Variants in ZNF385D observed in about 807,000 individuals in gnomAD.
ZNF385D encodes zinc finger protein 659.
A neutral mutation model predicts 35.8 loss-of-function variants in ZNF385D; 15 were observed. The observed-to-expected ratio is 0.42, with a 90% confidence interval of 0.28 to 0.64. The LOEUF is 0.64. Among genes scored for constraint, ZNF385D ranks in the 30% least tolerant of loss-of-function variants. The pLI, the probability that ZNF385D is intolerant of heterozygous loss-of-function variation, is 0.23. For missense variants in ZNF385D, 474 were observed against 494.6 expected, an observed-to-expected ratio of 0.96 and a Z score of 0.39; for synonymous variants, 212 against 186.8, an observed-to-expected ratio of 1.13 and a Z score of -1.10.
At chr3:21,447,463 A>G (rs1702216233) in intron 4 of ZNF385D, among the ~76,000 whole-genome samples, 1 of 152,238 alleles carries the variant, frequency 6.6e-6, no homozygotes, top group African/African-American at 2.4e-5. Flanking sequence ...TTCATTAATG[A>G]GAAGAACTGT....
chr3:21,731,538 T>C (rs1048416327), intron 1 of ZNF385D, among the ~76,000 whole-genome samples: 10 of 152,320 alleles, frequency 6.6e-5, no homozygotes, highest in Admixed American at 5.9e-4. Context: ...ACGTTAACAT[T>C]AAGGTTCACT....
At chr3:21,888,546 G>C (rs1698674082) in intron 3 of ZNF385D, among the ~76,000 whole-genome samples, 2 of 152,108 alleles carry the variant, frequency 1.3e-5, no homozygotes, top group Non-Finnish European at 2.9e-5. Flanking sequence ...GAGTTTATTA[G>C]TAACTTCTGG....
chr3:21,860,148 CA>C (rs926619151), intron 3 of ZNF385D, among the ~76,000 whole-genome samples: 6 of 151,786 alleles, frequency 4.0e-5, no homozygotes, highest in African/African-American at 1.5e-4. Flanking sequence ...TTCTTTTATG[CA>C]AAAAAAGTAT....
At chr3:22,086,281 C>T (rs1701037281) in intron 3 of ZNF385D, among the ~76,000 whole-genome samples, 1 of 152,198 alleles carries the variant, frequency 6.6e-6, no homozygotes, top group South Asian at 2.1e-4. Context: ...TTGCAGATGA[C>T]ATGATTGTAT....
chr3:21,854,004 G>A, intron 3 of ZNF385D, among the ~76,000 whole-genome samples: 1 of 151,784 alleles, frequency 6.6e-6, no homozygotes, highest in Non-Finnish European at 1.5e-5. Context: ...ATACCTTTAG[G>A]TGGTGATTAA....
chr3:21,947,511 T>C (rs1329565890), intron 3 of ZNF385D, among the ~76,000 whole-genome samples: 4 of 152,064 alleles, frequency 2.6e-5, no homozygotes, highest in Non-Finnish European at 4.4e-5. Context: ...CCACCATGCC[T>C]GGCTAATTTT....
intron 2 of ZNF385D, among the ~76,000 whole-genome samples, chr3:22,328,789 T>G (rs1002494252): frequency 7.2e-6 from 1 of 138,778 alleles, no homozygotes; most frequent in Non-Finnish European, 1.6e-5. Context: ...AAAAAAGAGT[T>G]TATTGGCCGG....
intron 3 of ZNF385D, among the ~76,000 whole-genome samples, chr3:22,007,316 G>C (rs889109115): frequency 5.3e-5 from 8 of 152,130 alleles, no homozygotes; most frequent in African/African-American, 1.9e-4. Context: ...TGTTCATAAA[G>C]ATCTCATACA....
At chr3:21,788,009 C>A (rs1364425750) in intron 3 of ZNF385D, among the ~76,000 whole-genome samples, 3 of 128,840 alleles carry the variant, frequency 2.3e-5, no homozygotes, top group African/African-American at 8.8e-5. Flanking sequence ...TAGTTAATAA[C>A]CTCAGAGAAG....
At chr3:21,679,396 T>C (rs2066829446) in intron 1 of ZNF385D, among the ~76,000 whole-genome samples, 1 of 152,154 alleles carries the variant, frequency 6.6e-6, no homozygotes, top group South Asian at 2.1e-4. Flanking sequence ...ACATTTTGTT[T>C]GCTAGTAATT....
intron 2 of ZNF385D, among the ~76,000 whole-genome samples, chr3:21,617,388 G>A (rs2064877754): frequency 6.6e-6 from 1 of 152,088 alleles, no homozygotes; most frequent in South Asian, 2.1e-4. Context: ...TGACCTTGAG[G>A]GAATCACAAC....
chr3:21,770,938 A>G (rs1406993720), intron 3 of ZNF385D, among the ~76,000 whole-genome samples: 1 of 152,142 alleles, frequency 6.6e-6, no homozygotes, highest in Admixed American at 6.5e-5. Flanking sequence ...TGTCCTTTGT[A>G]GGGACATGGA....
At chr3:22,111,282 C>T (rs560688258) in intron 3 of ZNF385D, among the ~76,000 whole-genome samples, 1 of 144,376 alleles carries the variant, frequency 6.9e-6, no homozygotes, top group South Asian at 2.2e-4. Context: ...TTAGAAACTT[C>T]TAGAAGGCAG....
chr3:22,101,098 T>C (rs1198150230), intron 3 of ZNF385D, among the ~76,000 whole-genome samples: 2 of 151,930 alleles, frequency 1.3e-5, no homozygotes, highest in East Asian at 3.9e-4. Context: ...TGAGATTTTG[T>C]CGAATTCTAA....
chr3:22,163,190 G>A (rs1057145544), intron 3 of ZNF385D, among the ~76,000 whole-genome samples: 4 of 152,132 alleles, frequency 2.6e-5, no homozygotes, highest in African/African-American at 9.7e-5. Context: ...GCTTGTGGAG[G>A]AATTTAGCAG....
At chr3:22,282,916 A>G (rs1191663561) in intron 2 of ZNF385D, among the ~76,000 whole-genome samples, 1 of 152,094 alleles carries the variant, frequency 6.6e-6, no homozygotes, top group Non-Finnish European at 1.5e-5. Flanking sequence ...GAATTCACCA[A>G]TCAAGTATCT....
At chr3:21,525,837 A>G (rs952564455) in intron 3 of ZNF385D, among the ~76,000 whole-genome samples, 1 of 152,136 alleles carries the variant, frequency 6.6e-6, no homozygotes, top group African/African-American at 2.4e-5. Context: ...AAACACCTAC[A>G]TTTTATGACA....
At chr3:22,371,586 G>A (rs1386883115) in intron 2 of ZNF385D, among the ~76,000 whole-genome samples, 2 of 152,164 alleles carry the variant, frequency 1.3e-5, no homozygotes, top group African/African-American at 4.8e-5. Context: ...TCTGGAATTG[G>A]GCATTTCACA....
rs11387962 is a variant in ZNF385D at position 21,921,222 on chromosome 3, C to CAAAAAAAA, written c.325+247587_325+247594dup. ...TGGGCGACAGAGCGAGACTCCATCT[C>CAAAAAAAA]AAAAAAAAAAAAAAAAAAAAATACT... On this transcript the variant is annotated intron_variant, in intron 3 of 5. Transcript: ENST00000494108. Among the ~76,000 whole-genome samples, 70 of 68,954 alleles carry CAAAAAAAA rather than the reference C, an allele frequency of 1.0e-3. 2 individuals are homozygous for CAAAAAAAA. The highest frequency in any genetic ancestry group is 3.6e-3 in the African/African-American group (64 of 17,888). 45.2% of individuals were successfully genotyped at this position (68,954 alleles called of 152,430 possible).
Sources: gnomAD v4.1 joint callset for allele counts (sites outside exome capture counted in the v4.1 genomes callset) on GRCh38, gnomAD v4.1.1 for gene constraint, MANE v1.5 for transcripts, NCBI Gene and HGNC (gene_info 2026-07-23, HGNC 2026-07-21) for gene names.